Variants in EYA1 observed in about 807,000 individuals in gnomAD.
The protein encoded by EYA1 is protein phosphatase EYA1.
Under a neutral mutation model 82.0 loss-of-function variants are expected in EYA1, and 16 were observed. The ratio of observed to expected loss-of-function variants is 0.20; its 90% confidence interval spans 0.13 to 0.30. EYA1 has a LOEUF of 0.30. Among genes scored for constraint, EYA1 ranks in the 10% least tolerant of loss-of-function variants. The probability of loss-of-function intolerance (pLI) is 1.00; values close to 1 mark genes in which losing one functional copy is unlikely to be tolerated. For missense variants in EYA1, 633 were observed against 730.7 expected, an observed-to-expected ratio of 0.87 and a Z score of 1.54; for synonymous variants, 261 against 264.4, an observed-to-expected ratio of 0.99 and a Z score of 0.12.
At chr8:71,479,057 C>A (rs1356097606) in intron 2 of EYA1, among the ~76,000 whole-genome samples, 1 of 152,148 alleles carries the variant, frequency 6.6e-6, no homozygotes, top group Non-Finnish European at 1.5e-5. Context: ...TTAACCAGGT[C>A]CTGTGAGGTG....
intron 3 of EYA1, among the ~76,000 whole-genome samples, chr8:71,338,959 G>A (rs1277001531): frequency 6.6e-6 from 1 of 152,076 alleles, no homozygotes; most frequent in Non-Finnish European, 1.5e-5. Flanking sequence ...ATTATGCAGG[G>A]ACTTCAAAAA....
At chr8:71,225,220 T>C (rs2128872037) in intron 12 of EYA1, 1 of 456,290 alleles carries the variant, frequency 2.2e-6, no homozygotes, top group Non-Finnish European at 4.4e-6. Context: ...TGCTTTCAAA[T>C]AGACCTCATG....
intron 2 of EYA1, among the ~76,000 whole-genome samples, chr8:71,469,768 A>T (rs1357643195): frequency 1.3e-5 from 2 of 151,954 alleles, no homozygotes; most frequent in African/African-American, 4.8e-5. Context: ...AGTGCCTTTG[A>T]CTTTCCTCTT....
chr8:71,291,275 G>A (rs563027904), intron 9 of EYA1, among the ~76,000 whole-genome samples: 22 of 152,178 alleles, frequency 1.4e-4, no homozygotes, highest in Non-Finnish European at 2.8e-4. Context: ...CTTTGAACAA[G>A]AACATTCCCC....
At chr8:71,243,578 G>A (rs927277805) in intron 12 of EYA1, among the ~76,000 whole-genome samples, 5 of 152,116 alleles carry the variant, frequency 3.3e-5, no homozygotes, top group South Asian at 4.1e-4. Flanking sequence ...TTGCCAATTC[G>A]TCTTTGAGTA....
At chr8:71,514,599 G>A (rs555404434) in intron 2 of EYA1, among the ~76,000 whole-genome samples, 3 of 152,252 alleles carry the variant, frequency 2.0e-5, no homozygotes, top group Admixed American at 6.5e-5. Context: ...GCAGTGGCAA[G>A]AGAAAATGAG....
At chr8:71,277,115 A>AT (rs9298167) in intron 9 of EYA1, among the ~76,000 whole-genome samples, 1,050 of 76,836 alleles carry the variant, frequency 0.014, 38 homozygotes, top group Non-Finnish European at 0.018. Flanking sequence ...GGCTTCACAC[A>AT]TTTTTTTTTT....
At chr8:71,453,319 G>T (rs1368278615) in intron 2 of EYA1, among the ~76,000 whole-genome samples, 1 of 152,300 alleles carries the variant, frequency 6.6e-6, no homozygotes, top group Non-Finnish European at 1.5e-5. Context: ...GTGACGGGGA[G>T]AATGGAACCA....
intron 7 of EYA1, among the ~76,000 whole-genome samples, chr8:71,311,272 A>G (rs1355210242): frequency 6.6e-6 from 1 of 152,220 alleles, no homozygotes; most frequent in Non-Finnish European, 1.5e-5. Context: ...TAAAAGGAGA[A>G]TAAAGGTTAT....
At position 71,461,201 on chromosome 8, in the gene EYA1, T is replaced by G. The variant is rs112189975; in HGVS notation, c.33+74543A>C. Among the ~76,000 whole-genome samples, 489 of 152,236 alleles carry G rather than the reference T, an allele frequency of 3.2e-3. 3 individuals carry two copies. The highest frequency in any genetic ancestry group is 0.011 in the African/African-American group (464 of 41,538). On this transcript the variant is annotated intron_variant, in intron 2 of 18. Coordinates refer to the EYA1 transcript ENST00000643681. ...TCCTTTGCCCAAGAGGCACCCAAAT[T>G]TTGCTTAGGCTGCTGGGCTTGCTCT... is the stretch of plus-strand genomic sequence containing the variant.
intron 17 of EYA1, 43 bp from the exon 18 acceptor site, chr8:71,199,463 C>G (rs377448924): frequency 2.0e-6 from 3 of 1,466,336 alleles, no homozygotes; most frequent in Non-Finnish European, 2.8e-6. Flanking sequence ...GAGCACCCAG[C>G]GCCAGCCCTG....
intron 2 of EYA1, among the ~76,000 whole-genome samples, chr8:71,392,172 C>T (rs1226675418): frequency 2.0e-5 from 3 of 152,086 alleles, no homozygotes; most frequent in African/African-American, 4.8e-5. Flanking sequence ...TGGAGGGAAC[C>T]TTCTGCTCCC....
At chr8:71,326,200 C>A (rs1352150920) in intron 4 of EYA1, among the ~76,000 whole-genome samples, 4 of 152,096 alleles carry the variant, frequency 2.6e-5, no homozygotes, top group African/African-American at 9.7e-5. Context: ...AATCTTGGGA[C>A]CACTGGGAAG....
chr8:71,240,338 C>T (rs1183026243), intron 12 of EYA1, among the ~76,000 whole-genome samples: 4 of 151,658 alleles, frequency 2.6e-5, no homozygotes, highest in Admixed American at 1.3e-4. Flanking sequence ...ATATCAGACC[C>T]GGGCTAGGAG....
At chr8:71,346,431 A>AATATATATAT (rs3066856) in intron 3 of EYA1, among the ~76,000 whole-genome samples, 5,196 of 101,722 alleles carry the variant, frequency 0.051, 187 homozygotes, top group East Asian at 0.12. Flanking sequence ...TACTGCAGTG[A>AATATATATAT]ATATATATAT....
intron 3 of EYA1, among the ~76,000 whole-genome samples, chr8:71,343,639 C>G (rs954160651): frequency 2.6e-5 from 4 of 152,190 alleles, no homozygotes; most frequent in African/African-American, 7.2e-5. Flanking sequence ...GGCCCTTGAC[C>G]TTGGACTTAG....
intron 2 of EYA1, among the ~76,000 whole-genome samples, chr8:71,456,607 A>G (rs1392825128): frequency 3.9e-5 from 6 of 152,104 alleles, no homozygotes; most frequent in South Asian, 2.1e-4. Flanking sequence ...ATATCACACC[A>G]TCTACAACCA....
At chr8:71,291,257 T>C (rs1454147235) in intron 9 of EYA1, among the ~76,000 whole-genome samples, 1 of 152,174 alleles carries the variant, frequency 6.6e-6, no homozygotes, top group Non-Finnish European at 1.5e-5. Flanking sequence ...GGGCTCAGAG[T>C]TCTGCAACTT....
At chr8:71,320,829 T>C (rs1223747869) in intron 6 of EYA1, among the ~76,000 whole-genome samples, 1 of 152,016 alleles carries the variant, frequency 6.6e-6, no homozygotes, top group Admixed American at 6.6e-5. Flanking sequence ...TACAAAACAG[T>C]ATCAAGCAGA....
Sources: allele counts gnomAD v4.1 joint callset (sites outside exome capture counted in the v4.1 genomes callset), GRCh38; gene constraint gnomAD v4.1.1; transcripts MANE v1.5; gene names NCBI Gene and HGNC (gene_info 2026-07-23, HGNC 2026-07-21).